The following EDEM2 variants were observed in gnomAD, a reference collection of about 807,000 sequenced individuals.
EDEM2 encodes the protein ER degradation enhancing alpha-mannosidase like protein 2.
EDEM2 carries 39 observed loss-of-function variants against 64.8 expected under a neutral mutation model. The ratio of observed to expected loss-of-function variants is 0.60; its 90% confidence interval spans 0.47 to 0.79. EDEM2 has a LOEUF of 0.79. EDEM2 is among the 30% of genes least tolerant of loss of function. The pLI is 0.00. For missense variants in EDEM2, 609 were observed against 731.3 expected, an observed-to-expected ratio of 0.83 and a Z score of 1.93; for synonymous variants, 296 against 291.5, an observed-to-expected ratio of 1.02 and a Z score of -0.16.
intron 6 of EDEM2, among the ~76,000 whole-genome samples, chr20:35,133,622 A>G (rs2085536364): frequency 6.6e-6 from 1 of 151,806 alleles, no homozygotes; most frequent in Non-Finnish European, 1.5e-5. Flanking sequence ...ATGCACCACC[A>G]CGCCCGGCTA....
intron 2 of EDEM2, 127 bp from the exon 3 acceptor site, chr20:35,145,145 G>T: frequency 1.1e-6 from 1 of 900,732 alleles, no homozygotes; most frequent in Non-Finnish European, 1.7e-6. Context: ...CCCACTTACA[G>T]TCACAACAGA....
intron 10 of EDEM2, 50 bp downstream of exon 10, chr20:35,118,548 A>G: frequency 6.2e-7 from 1 of 1,612,020 alleles, no homozygotes; most frequent in Non-Finnish European, 8.5e-7. Flanking sequence ...GAGGCTTTTT[A>G]GCAGCAAGGG....
At position 35,131,668 on chromosome 20, in the gene EDEM2, T is replaced by G; in HGVS notation, c.818A>C (p.Asp273Ala). Residue 273 changes from aspartate (D) to alanine (A), a missense_variant, in exon 7 of 11, where the codon GAT becomes GCT. Transcript: ENST00000374492. ...TAGGAACATGGCCATGAGCTTCTTA[T>G]CCTGAAGCAGGATGGCTCCTTTCAC... The part of the protein sequence containing the change: ...YLVKGAILLQ[D>A]KKLMAMFLEY... 6.2e-7 allele frequency: 1 copy of G among 1,614,216 alleles called. No homozygotes were observed. Among genetic ancestry groups the G allele is most frequent in the Non-Finnish European group, 8.5e-7 (1 of 1,180,026 alleles).
At chr20:35,147,086 G>A in intron 1 of EDEM2, 66 bp downstream of exon 1, 14 of 1,558,854 alleles carry the variant, frequency 9.0e-6, no homozygotes, top group African/African-American at 1.4e-5. Context: ...TGGGATGGAC[G>A]GAAAGGGAAA....
intron 9 of EDEM2, among the ~76,000 whole-genome samples, chr20:35,120,939 C>A (rs765886480): frequency 1.3e-5 from 2 of 152,146 alleles, no homozygotes. Flanking sequence ...CCCTCATGAC[C>A]AGCCATCACG....
chr20:35,145,116 A>T, intron 2 of EDEM2, 98 bp from the exon 3 acceptor site: 2 of 1,204,712 alleles, frequency 1.7e-6, no homozygotes, highest in Non-Finnish European at 2.4e-6. Context: ...AAATGAGGCA[A>T]AGTAATGCCT....
intron 9 of EDEM2, among the ~76,000 whole-genome samples, chr20:35,121,415 C>T (rs1004243570): frequency 2.0e-5 from 3 of 152,156 alleles, no homozygotes; most frequent in Admixed American, 2.0e-4. Context: ...GGAGCTCAGG[C>T]AGCAATGTGA....
Position 35,123,826 on chromosome 20 carries a change from AGGGGATTT to A in EDEM2, c.1114+56_1114+63del, listed in dbSNP as rs1361047575. On this transcript the variant is annotated intron_variant, in intron 9 of 10. Coordinates refer to ENST00000374492, the MANE Select transcript of EDEM2 (RefSeq NM_018217.3). ...AGTTGTGGAGGATGGAGCCTTGTAG[AGGGGATTT>A]GGGGTTTCAGCAACCAGAGCCTGTG... 9.5e-5 allele frequency: 151 copies of A among 1,581,436 alleles called. 1 individual carries two copies. The highest frequency in any genetic ancestry group is 6.6e-5 in the Non-Finnish European group (77 of 1,159,692).
At chr20:35,117,748 A>G (rs180849334) in intron 10 of EDEM2, among the ~76,000 whole-genome samples, 1 of 152,144 alleles carries the variant, frequency 6.6e-6, no homozygotes, top group East Asian at 1.9e-4. Context: ...ATTTTCTTCT[A>G]CTTTCATATT....
In EDEM2 at chr20:35,147,161, G is replaced by C. The variant is rs1208815105; in HGVS notation, c.98C>G (p.Ala33Gly). The C allele has an allele frequency of 6.2e-7, 1 of 1,600,644 alleles. No homozygotes were observed. The highest frequency in any genetic ancestry group is 1.3e-5 in the African/African-American group (1 of 74,636). Residue 33 changes from alanine (A) to glycine (G), a missense_variant, in exon 1 of 11, where the codon GCC (alanine) becomes GGC (glycine). Physicochemically the swap from Ala to Gly is moderately conservative, Grantham distance 60 (BLOSUM62 0). Coordinates refer to ENST00000374492, the MANE Select transcript of EDEM2 (RefSeq NM_018217.3). The part of the protein sequence containing the change: ...PGPDGSAPDP[A>G]HYRERVKAMF... ...GCGGGTCACAGTTCACCTGTAGTGG[G>C]CGGGATCTGGCGCGGAGCCGTCGGG... is the stretch of plus-strand genomic sequence containing the variant.
Position 35,137,972 on chromosome 20 carries a change from G to A in EDEM2, c.398C>T (p.Ser133Phe), listed in dbSNP as rs200923892. The A allele has an allele frequency of 1.9e-6, 3 of 1,614,196 alleles. No homozygotes were observed. The highest frequency in any genetic ancestry group is 2.7e-5 in the African/African-American group (2 of 75,050). ...VGGLLSAHLL[S>F]KKAGVEVEAG... ...CTCTACTTCCACCCCAGCCTTCTTG[G>A]AGAGCAGATGAGCAGACAGGAGTCC... Residue 133 changes from serine (S) to phenylalanine (F), a missense_variant, in exon 5 of 11, where the codon TCC (serine) becomes TTC (phenylalanine). Transcript: ENST00000374492.
chr20:35,130,417 T>C (rs1037652749), intron 7 of EDEM2, among the ~76,000 whole-genome samples: 1 of 152,066 alleles, frequency 6.6e-6, no homozygotes, highest in Non-Finnish European at 1.5e-5. Flanking sequence ...TTAACAACAA[T>C]AACTAATAAT....
Position 35,126,247 on chromosome 20 carries a change from C to T in EDEM2, c.969+4G>A. 1 of 1,612,634 alleles carries T rather than the reference C, an allele frequency of 6.2e-7. No individual in the cohort carries two copies. The highest frequency in any genetic ancestry group is 1.3e-5 in the African/African-American group (1 of 75,006). Reference sequence around the variant, plus strand: ...AGATGATCACATTCTTTGATCATTCCTACCTGAAGACCAGGCCAGTAGGCC... The same window carrying T: ...AGATGATCACATTCTTTGATCATTCTTACCTGAAGACCAGGCCAGTAGGCC... On this transcript the variant is annotated splice_donor_region_variant and intron_variant, in intron 8 of 10. Coordinates refer to ENST00000374492, the MANE Select transcript of EDEM2 (RefSeq NM_018217.3).
intron 9 of EDEM2, among the ~76,000 whole-genome samples, chr20:35,123,554 T>G (rs1038377521): frequency 1.3e-5 from 2 of 152,056 alleles, no homozygotes; most frequent in Non-Finnish European, 2.9e-5. Flanking sequence ...ATCACACCAT[T>G]GCACTTCAGT....
At chr20:35,120,434 C>T (rs982602047) in intron 9 of EDEM2, among the ~76,000 whole-genome samples, 1 of 152,074 alleles carries the variant, frequency 6.6e-6, no homozygotes, top group African/African-American at 2.4e-5. Flanking sequence ...CTCCCCTCTC[C>T]TCACAGGCCT....
intron 4 of EDEM2, among the ~76,000 whole-genome samples, chr20:35,138,324 G>A (rs909724436): frequency 4.6e-5 from 7 of 152,102 alleles, no homozygotes; most frequent in Admixed American, 1.3e-4. Context: ...TCCCTATTGT[G>A]TACCAAGCAC....
At chr20:35,121,534 C>A (rs771901880) in intron 9 of EDEM2, among the ~76,000 whole-genome samples, 1 of 152,178 alleles carries the variant, frequency 6.6e-6, no homozygotes, top group Non-Finnish European at 1.5e-5. Flanking sequence ...TACCGGTCCA[C>A]GGCCTGGGGG....
At chr20:35,146,988 G>A in intron 1 of EDEM2, 53 bp from the exon 2 acceptor site, 4 of 1,585,100 alleles carry the variant, frequency 2.5e-6, no homozygotes, top group Admixed American at 1.8e-5. Flanking sequence ...AAACAAGCGG[G>A]GGAAGAACAA....
chr20:35,127,748 T>C (rs577819707), intron 7 of EDEM2, among the ~76,000 whole-genome samples: 17 of 152,284 alleles, frequency 1.1e-4, no homozygotes, highest in African/African-American at 4.1e-4. Flanking sequence ...AGACCCTCAG[T>C]GGATGTCTGA....
Sources: gnomAD v4.1 joint callset for allele counts (sites outside exome capture counted in the v4.1 genomes callset) on GRCh38, gnomAD v4.1.1 for gene constraint, MANE v1.5 for transcripts, NCBI Gene and HGNC (gene_info 2026-07-23, HGNC 2026-07-21) for gene names.